The following PDXDC1 variants were observed in gnomAD, a reference collection of about 807,000 sequenced individuals.
PDXDC1 encodes the protein pyridoxal dependent decarboxylase domain containing 1.
PDXDC1 carries 42 observed loss-of-function variants against 100.1 expected under a neutral mutation model. The observed-to-expected ratio is 0.42, with a 90% CI of 0.33 to 0.54. The LOEUF is 0.54. PDXDC1 is among the 20% of genes least tolerant of loss of function. The probability of loss-of-function intolerance (pLI) is 0.10; values close to 1 mark genes in which losing one functional copy is unlikely to be tolerated. For missense variants in PDXDC1, 636 were observed against 979.2 expected (o/e 0.65, Z 4.68); for synonymous variants, 260 against 371.7 (o/e 0.70, Z 3.46).
chr16:15,044,260 G>C, intron 16 of PDXDC1: 1 of 1,013,774 alleles, frequency 9.9e-7, no homozygotes, highest in East Asian at 2.5e-5. Context: ...GTACCAATTG[G>C]GATTTTTAAC....
intron 16 of PDXDC1, among the ~76,000 whole-genome samples, chr16:15,102,193 T>C (rs1181208058): frequency 1.3e-5 from 2 of 151,390 alleles, no homozygotes; most frequent in East Asian, 2.0e-4. Context: ...GTCTCTCTTA[T>C]GTTGCCCAGG....
At chr16:15,130,564 G>T (rs1432226857) in intron 16 of PDXDC1, 3 of 1,383,936 alleles carry the variant, frequency 2.2e-6, no homozygotes, top group Non-Finnish European at 3.1e-6. Context: ...GTCCCCACAG[G>T]GCCTGTAACC....
rs1340868563 is a variant in PDXDC1, at chr16:15,071,213, T to G, written c.1399+41157T>G. On this transcript the variant is annotated intron_variant, in intron 16 of 16. Transcript: ENST00000535621. Reference sequence around the variant, plus strand: ...TGGCAGGATTACTTGGGTCCTGCAATTTTTTCCAGAGATGTTCCAAAAATG... The same window carrying G: ...TGGCAGGATTACTTGGGTCCTGCAAGTTTTTCCAGAGATGTTCCAAAAATG... The G allele has an allele frequency of 2.5e-6, 4 of 1,610,774 alleles. No homozygotes were observed. The highest frequency in any genetic ancestry group is 3.3e-5 in the Admixed American group (2 of 59,774).
chr16:15,101,637 G>A (rs2046553548), intron 16 of PDXDC1, among the ~76,000 whole-genome samples: 1 of 148,824 alleles, frequency 6.7e-6, no homozygotes, highest in Non-Finnish European at 1.5e-5. Context: ...CTGAGGCAGG[G>A]GAATCACTTG....
At chr16:15,013,359 GAA>G (rs779875897) in intron 8 of PDXDC1, among the ~76,000 whole-genome samples, 30 of 136,920 alleles carry the variant, frequency 2.2e-4, no homozygotes, top group East Asian at 1.2e-3. Flanking sequence ...AAAAAAAAAA[GAA>G]AAAAAAAAAA....
At chr16:14,978,265 G>A (rs1404049207) in intron 1 of PDXDC1, among the ~76,000 whole-genome samples, 1 of 152,284 alleles carries the variant, frequency 6.6e-6, no homozygotes, top group African/African-American at 2.4e-5. Flanking sequence ...AAGGAACAAG[G>A]CCCTGTAGCA....
the PDXDC1 span, among the ~76,000 whole-genome samples, chr16:15,150,232 T>C: frequency 1.3e-5 from 2 of 151,860 alleles, no homozygotes; most frequent in Non-Finnish European, 2.9e-5. Flanking sequence ...TCCAGGCTAC[T>C]CAGGAGGCTG....
chr16:15,048,107 A>C, intron 16 of PDXDC1: 1 of 1,551,472 alleles, frequency 6.4e-7, no homozygotes, highest in Non-Finnish European at 8.8e-7. Flanking sequence ...TTCCTGTTTA[A>C]TTAAAAAAAA....
chr16:15,138,833 CCACA>C lies in PDXDC1; in HGVS notation c.1400-43_1400-40del, dbSNP rs2048421038. 4 of 53,956 alleles carry C rather than the reference CCACA, an allele frequency of 7.4e-5. No individual in the cohort carries two copies. In the South Asian group the frequency reaches 1.1e-3, roughly 15 times the overall value. The allele number at this position is 53,956 out of a possible 1,614,324, so 3.3% of individuals were successfully genotyped here. A position where few individuals can be genotyped will look rare whatever the true frequency, so the allele number is the denominator to read the frequency against. On this transcript the variant is annotated intron_variant, in intron 16 of 16. Transcript: ENST00000535621. ...GGTCTCCCAACCCTGTCCACAGCCCCCACACAGACTCGAGGGGCCCCCATCTCCT... is the reference window on the plus strand; with the variant it reads ...GGTCTCCCAACCCTGTCCACAGCCCCCAGACTCGAGGGGCCCCCATCTCCT...
the PDXDC1 span, among the ~76,000 whole-genome samples, chr16:15,145,817 C>T: frequency 1.3e-5 from 2 of 152,232 alleles, no homozygotes; most frequent in African/African-American, 4.8e-5. Context: ...CCAGCTGGAG[C>T]GCAGGCAGCA....
At chr16:15,131,282 T>A in intron 16 of PDXDC1, 1 of 1,579,674 alleles carries the variant, frequency 6.3e-7, no homozygotes, top group Non-Finnish European at 8.6e-7. Context: ...AGCCGCTCGA[T>A]GGGGATCTGG....
downstream of PDXDC1, chr16:15,039,994 G>T: frequency 6.2e-7 from 1 of 1,608,488 alleles, no homozygotes; most frequent in Non-Finnish European, 8.5e-7. Flanking sequence ...AGTTCGCGCA[G>T]CACGAAGCTG....
At chr16:15,140,491 G>A (rs2048453862), downstream of PDXDC1, among the ~76,000 whole-genome samples, 1 of 151,538 alleles carries the variant, frequency 6.6e-6, no homozygotes, top group Non-Finnish European at 1.5e-5. Flanking sequence ...GGGCGAGAGG[G>A]AGGGAGGAAA....
At chr16:15,152,090 T>C in the PDXDC1 span, among the ~76,000 whole-genome samples, 4 of 148,530 alleles carry the variant, frequency 2.7e-5, no homozygotes, top group Non-Finnish European at 6.0e-5. Context: ...CGTTTTGCAG[T>C]ACGCCATCTT....
At chr16:15,101,849 G>T (rs1291527631) in intron 16 of PDXDC1, among the ~76,000 whole-genome samples, 3 of 151,174 alleles carry the variant, frequency 2.0e-5, no homozygotes, top group Non-Finnish European at 4.4e-5. Context: ...TTAATTTTTT[G>T]TGTGTTTTTA....
intron 16 of PDXDC1, among the ~76,000 whole-genome samples, chr16:15,078,562 AT>A (rs2045560162): frequency 6.6e-6 from 1 of 152,198 alleles, no homozygotes; most frequent in Non-Finnish European, 1.5e-5. Context: ...TGACAGCAGT[AT>A]CTGATGCTGC....
At chr16:15,041,619 T>G (rs376151338), downstream of PDXDC1, 18 of 1,606,504 alleles carry the variant, frequency 1.1e-5, no homozygotes, top group African/African-American at 2.3e-4. Context: ...ATGGCAGGAC[T>G]TACCTGTCAC....
At chr16:15,080,318 G>A (rs2045645333) in intron 16 of PDXDC1, among the ~76,000 whole-genome samples, 1 of 152,090 alleles carries the variant, frequency 6.6e-6, no homozygotes, top group Non-Finnish European at 1.5e-5. Flanking sequence ...CATAACTATA[G>A]GTTTTTAAGT....
chr16:15,034,771 TC>T (rs2151654758), intron 21 of PDXDC1, among the ~76,000 whole-genome samples: 1 of 152,236 alleles, frequency 6.6e-6, no homozygotes, highest in East Asian at 1.9e-4. Context: ...CTACCCACTC[TC>T]CACAGCTGTC....
Sources: allele counts gnomAD v4.1 joint callset (sites outside exome capture counted in the v4.1 genomes callset), GRCh38; gene constraint gnomAD v4.1.1; transcripts MANE v1.5; gene names NCBI Gene and HGNC (gene_info 2026-07-23, HGNC 2026-07-21).